GRP: variants seen among roughly 807,000 people sequenced by gnomAD.
The protein encoded by GRP is gastrin releasing peptide, also known as gastrin-releasing peptide.
Under a neutral mutation model 12.7 loss-of-function variants are expected in GRP, and 11 were observed. That is an observed-to-expected ratio of 0.87 (90% CI 0.55 to 1.44). The LOEUF is 1.44. GRP is among the 40% of genes most tolerant of loss of function. The pLI, the probability that GRP is intolerant of heterozygous loss-of-function variation, is 0.00. For missense variants in GRP, 212 were observed against 185.4 expected (o/e 1.14, Z -0.83); for synonymous variants, 84 against 77.7 (o/e 1.08, Z -0.43).
At chr18:59,227,038 T>C (rs2069947776) in intron 2 of GRP, among the ~76,000 whole-genome samples, 1 of 141,104 alleles carries the variant, frequency 7.1e-6, no homozygotes, top group African/African-American at 2.8e-5. Context: ...TCTTTCTTTC[T>C]TTCTTTCTTT....
chr18:59,229,873 C>A (rs1312548224), intron 2 of GRP, among the ~76,000 whole-genome samples: 1 of 152,226 alleles, frequency 6.6e-6, no homozygotes, highest in Non-Finnish European at 1.5e-5. Context: ...AGTTTCCACA[C>A]TACTACCATT....
At chr18:59,229,213 C>G (rs1009323278) in intron 2 of GRP, among the ~76,000 whole-genome samples, 1 of 152,168 alleles carries the variant, frequency 6.6e-6, no homozygotes, top group African/African-American at 2.4e-5. Context: ...TGGAATATAG[C>G]TCCTCCCTAC....
Position 59,225,653 on chromosome 18 carries a change from C to T in GRP, c.301C>T (p.Pro101Ser). Residue 101 changes from proline to serine, a missense_variant, in exon 2 of 3, where the codon CCC becomes TCC. Pro to Ser is a moderately conservative substitution (Grantham distance 74). Transcript: ENST00000256857. ...GAACAGAAACCACCAGCCACCTCAA[C>T]CCAAGGCCCTGGGCAATCAGCAGCC... Reference protein sequence around the residue: ...KENRNHQPPQPKALGNQQPSW... With the variant: ...KENRNHQPPQSKALGNQQPSW... 1.2e-6 allele frequency: 2 copies of T among 1,614,086 alleles called. No homozygotes were observed. The highest frequency in any genetic ancestry group is 1.7e-6 in the Non-Finnish European group (2 of 1,179,966).
chr18:59,219,321 G>T, upstream of GRP, among the ~76,000 whole-genome samples: 1 of 150,620 alleles, frequency 6.6e-6, no homozygotes, highest in Non-Finnish European at 1.5e-5. Flanking sequence ...AGTGGGCAGA[G>T]CTGCCTGGGA....
intron 1 of GRP, among the ~76,000 whole-genome samples, chr18:59,221,343 A>T (rs1234615571): frequency 1.3e-5 from 2 of 151,704 alleles, no homozygotes; most frequent in Non-Finnish European, 2.9e-5. Flanking sequence ...CCCTGCGCGC[A>T]CTCGCTGCTT....
rs1298059782 is a variant in GRP at position 59,220,234 on chromosome 18, C to T, written c.-32C>T. The T allele has an allele frequency of 1.4e-6, 2 of 1,431,520 alleles. No individual in the cohort carries two copies. Among genetic ancestry groups the T allele is most frequent in the East Asian group, 5.9e-5 (2 of 34,168 alleles). The allele number at this position is 1,431,520 out of a possible 1,614,324, so 88.7% of individuals were successfully genotyped here. A position where few individuals can be genotyped will look rare whatever the true frequency, so the allele number is the denominator to read the frequency against. ...CCAGTCTCTGCTCTTCCCAGCCTCT[C>T]CGGCGCGCTCCAAGGGCTTCCCGTC... On this transcript the variant is annotated 5_prime_UTR_variant, in exon 1 of 3. Coordinates refer to ENST00000256857, the MANE Select transcript of GRP (RefSeq NM_002091.5).
intron 1 of GRP, among the ~76,000 whole-genome samples, chr18:59,221,235 G>A (rs2069827722): frequency 6.6e-6 from 1 of 152,338 alleles, no homozygotes; most frequent in African/African-American, 2.4e-5. Flanking sequence ...TCTAGGCACC[G>A]GCTTGGAGGC....
Position 59,230,726 on chromosome 18 carries a change from C to G in GRP, c.*258C>G. On this transcript the variant is annotated 3_prime_UTR_variant, in exon 3 of 3. Coordinates refer to ENST00000256857, the MANE Select transcript of GRP (RefSeq NM_002091.5). Reference sequence around the variant, plus strand: ...CTACCTGTTGGTTAGATTCAAGGCCCCGAGCTGTTACCATTCACAATAAAA... The same window carrying G: ...CTACCTGTTGGTTAGATTCAAGGCCGCGAGCTGTTACCATTCACAATAAAA... The G allele has an allele frequency of 2.1e-6, 1 of 471,134 alleles. No homozygotes were observed. Among genetic ancestry groups the G allele is most frequent in the Non-Finnish European group, 3.8e-6 (1 of 259,858 alleles). The allele number at this position is 471,134 out of a possible 1,614,324, so 29.2% of individuals were successfully genotyped here. A position where few individuals can be genotyped will look rare whatever the true frequency, so the allele number is the denominator to read the frequency against.
upstream of GRP, chr18:59,220,099 A>T: frequency 2.8e-6 from 1 of 353,844 alleles, no homozygotes; most frequent in Admixed American, 4.8e-5. Context: ...GCGATAGAAG[A>T]GCCCCCCAGC....
In GRP at chr18:59,225,590, G is replaced by T. The variant is rs929016110; in HGVS notation, c.238G>T (p.Ala80Ser). 1 of 1,614,016 alleles carries T rather than the reference G, an allele frequency of 6.2e-7. No individual in the cohort carries two copies. The highest frequency in any genetic ancestry group is 1.3e-5 in the African/African-American group (1 of 74,930). ...GAGAGAGTACATCAGGTGGGAAGAAGCTGCAAGGAATTTGCTGGGTCTCAT... is the reference window on the plus strand; with the variant it reads ...GAGAGAGTACATCAGGTGGGAAGAATCTGCAAGGAATTTGCTGGGTCTCAT... ...QLREYIRWEE[A>S]ARNLLGLIEA... Residue 80 changes from alanine (A) to serine (S), a missense_variant, in exon 2 of 3, where the codon GCT becomes TCT. Transcript: ENST00000256857.
At chr18:59,229,383 AG>A (rs1411450210) in intron 2 of GRP, among the ~76,000 whole-genome samples, 1 of 152,136 alleles carries the variant, frequency 6.6e-6, no homozygotes. Flanking sequence ...CCTACACATT[AG>A]CTGGCCCCTT....
intron 1 of GRP, among the ~76,000 whole-genome samples, chr18:59,222,230 T>C (rs1167462217): frequency 6.6e-6 from 1 of 152,160 alleles, no homozygotes; most frequent in Non-Finnish European, 1.5e-5. Context: ...GGGAGTGGCA[T>C]CGTGTTATTT....
At chr18:59,226,992 C>CCTCT (rs2069934341) in intron 2 of GRP, among the ~76,000 whole-genome samples, 1 of 107,856 alleles carries the variant, frequency 9.3e-6, no homozygotes, top group African/African-American at 3.9e-5. Context: ...TTCTTTTCTT[C>CCTCT]CTTTCTTTCT....
chr18:59,220,670 G>A (rs1025935737), intron 1 of GRP, among the ~76,000 whole-genome samples: 1 of 152,102 alleles, frequency 6.6e-6, no homozygotes, highest in East Asian at 1.9e-4. Context: ...CTTCCCCAGG[G>A]CACCCGAGCT....
At chr18:59,226,335 A>G (rs576449594) in intron 2 of GRP, among the ~76,000 whole-genome samples, 12 of 152,372 alleles carry the variant, frequency 7.9e-5, no homozygotes, top group Admixed American at 3.3e-4. Context: ...AGTGAGCAAG[A>G]TAAGAGAGAA....
chr18:59,220,126 C>G, upstream of GRP: 16 of 241,140 alleles, frequency 6.6e-5, no homozygotes, highest in East Asian at 3.9e-4. Context: ...GCCCGGGCTT[C>G]CATATAAAGT....
upstream of GRP, chr18:59,220,148 T>G (rs1568081469): frequency 2.4e-6 from 1 of 419,210 alleles, no homozygotes; most frequent in Non-Finnish European, 3.7e-6. Context: ...GGGGCCCTAG[T>G]GGAGGCCGCA....
chr18:59,224,091 T>C (rs188393742), intron 1 of GRP, among the ~76,000 whole-genome samples: 18 of 152,356 alleles, frequency 1.2e-4, no homozygotes, highest in African/African-American at 4.1e-4. Context: ...GTAGACCTTA[T>C]CCTTATTTCC....
chr18:59,220,397 G>T lies in GRP; in HGVS notation c.132G>T (p.Trp44Cys), dbSNP rs2069811425. 7.2e-7 allele frequency: 1 copy of T among 1,382,840 alleles called. No homozygotes were observed. The highest frequency in any genetic ancestry group is 9.4e-7 in the Non-Finnish European group (1 of 1,065,668). 85.7% of individuals were successfully genotyped at this position (1,382,840 alleles called of 1,614,324 possible). A position where few individuals can be genotyped will look rare whatever the true frequency, so the allele number is the denominator to read the frequency against. The change falls in exon 1 of 3, where the codon TGG becomes TGT. Residue 44 changes from tryptophan to cysteine, a missense_variant. By Grantham distance (215) the Trp-to-Cys change is radical. Transcript: ENST00000256857. ...AGATGTACCCGCGCGGCAACCACTGGGCGGTGGGTGAGTGTCCTGGCCGCG... is the reference window on the plus strand; with the variant it reads ...AGATGTACCCGCGCGGCAACCACTGTGCGGTGGGTGAGTGTCCTGGCCGCG... ...LTKMYPRGNH[W>C]AVGHLMGKKS...
Sources: gnomAD v4.1 joint callset for allele counts (sites outside exome capture counted in the v4.1 genomes callset) on GRCh38, gnomAD v4.1.1 for gene constraint, MANE v1.5 for transcripts, NCBI Gene and HGNC (gene_info 2026-07-23, HGNC 2026-07-21) for gene names.